POU3F3: variants seen among roughly 807,000 people sequenced by gnomAD.
POU3F3 encodes POU domain, class 3, transcription factor 3.
POU3F3 carries 1 observed loss-of-function variant against 8.6 expected under a neutral mutation model. That is an observed-to-expected ratio of 0.12 (90% CI 0.04 to 0.55). The LOEUF (loss-of-function observed/expected upper bound fraction) is 0.55. POU3F3 is among the 20% of genes least tolerant of loss of function. The pLI is 0.91. For synonymous variants in POU3F3, 418 were observed against 327.4 expected (o/e 1.28, Z -2.99); for missense variants, 577 against 690.7 (o/e 0.84, Z 1.84).
At chr2:104,924,753 T>A in the POU3F3 span, among the ~76,000 whole-genome samples, 4 of 152,212 alleles carry the variant, frequency 2.6e-5, no homozygotes, top group Non-Finnish European at 5.9e-5. Context: ...TCTGAAATCT[T>A]GCATCTCACT....
chr2:104,912,455 G>A, the POU3F3 span, among the ~76,000 whole-genome samples: 3 of 151,902 alleles, frequency 2.0e-5, no homozygotes, highest in Non-Finnish European at 4.4e-5. Flanking sequence ...TGTGGTGTGG[G>A]GGGCCCCCAC....
rs1288425710 is a variant in POU3F3 at position 104,857,026 on chromosome 2, G to A, written c.*13G>A. On this transcript the variant is annotated 3_prime_UTR_variant, in exon 1 of 1. Transcript: ENST00000361360. ...GAGCGTTCAGTGAAGCCAGGGCGCAGAGCGAAGAGGGCCGCCGCCGCCGCC... is the reference window on the plus strand; with the variant it reads ...GAGCGTTCAGTGAAGCCAGGGCGCAAAGCGAAGAGGGCCGCCGCCGCCGCC... 1.9e-6 allele frequency: 3 copies of A among 1,546,560 alleles called. No homozygotes were observed. The highest frequency in any genetic ancestry group is 2.6e-6 in the Non-Finnish European group (3 of 1,146,212).
the POU3F3 span, among the ~76,000 whole-genome samples, chr2:104,884,307 T>A: frequency 6.6e-6 from 1 of 152,096 alleles, no homozygotes; most frequent in Non-Finnish European, 1.5e-5. Context: ...CAGCAGAGGA[T>A]GTCTGGTCAA....
At chr2:104,885,873 C>T in the POU3F3 span, among the ~76,000 whole-genome samples, 1 of 152,102 alleles carries the variant, frequency 6.6e-6, no homozygotes, top group East Asian at 1.9e-4. Context: ...TCTCGGCTCA[C>T]TGAAACCTCT....
At chr2:104,885,756 A>G in the POU3F3 span, among the ~76,000 whole-genome samples, 6 of 152,118 alleles carry the variant, frequency 3.9e-5, no homozygotes. Flanking sequence ...GGCAACCAGC[A>G]GCCCTCAGCT....
chr2:104,860,751 C>A (rs1230986161), downstream of POU3F3, among the ~76,000 whole-genome samples: 1 of 121,052 alleles, frequency 8.3e-6, no homozygotes, highest in Non-Finnish European at 1.6e-5. Flanking sequence ...TGTTGCTCTG[C>A]CTTTTTTTTT....
At chr2:104,897,283 C>T in the POU3F3 span, among the ~76,000 whole-genome samples, 1 of 152,196 alleles carries the variant, frequency 6.6e-6, no homozygotes, top group African/African-American at 2.4e-5. Context: ...CTCAATTATA[C>T]TGAGTCTTTA....
At chr2:104,913,776 C>T in the POU3F3 span, among the ~76,000 whole-genome samples, 1 of 152,182 alleles carries the variant, frequency 6.6e-6, no homozygotes, top group African/African-American at 2.4e-5. Context: ...CCTGATACAT[C>T]TTCACATCGT....
chr2:104,863,318 G>C (rs1055537415), downstream of POU3F3, among the ~76,000 whole-genome samples: 3 of 151,910 alleles, frequency 2.0e-5, no homozygotes, highest in Admixed American at 1.3e-4. Context: ...GAAGGAAAGG[G>C]AAACTTCTGA....
Position 104,856,384 on chromosome 2 carries a change from C to T in POU3F3, c.874C>T (p.Pro292Ser). 1 of 1,559,792 alleles carries T rather than the reference C, an allele frequency of 6.4e-7. No homozygotes were observed. Residue 292 changes from proline to serine, a missense_variant, in exon 1 of 1, where the codon CCG (proline) becomes TCG (serine). Physicochemically the swap from Pro to Ser is moderately conservative, Grantham distance 74. Coordinates refer to ENST00000361360, the MANE Select transcript of POU3F3 (RefSeq NM_006236.3). Reference sequence around the variant, plus strand: ...GCACCCGCACCACGCGCAGGGACCCCCGCACCACGGCGGCGGCGGCGGCGG... The same window carrying T: ...GCACCCGCACCACGCGCAGGGACCCTCGCACCACGGCGGCGGCGGCGGCGG... ...PPHPHHAQGP[P>S]HHGGGGGGAG...
At chr2:104,868,153 AC>A in the POU3F3 span, 1 of 410,114 alleles carries the variant, frequency 2.4e-6, no homozygotes, top group Admixed American at 3.0e-5. Context: ...TCACCCCCAC[AC>A]CCCCATGGGG....
the POU3F3 span, among the ~76,000 whole-genome samples, chr2:104,882,932 A>C: frequency 6.6e-6 from 1 of 152,240 alleles, no homozygotes; most frequent in African/African-American, 2.4e-5. Context: ...ATACCAGAAC[A>C]ACAGGTGAAA....
At chr2:104,905,463 T>C in the POU3F3 span, among the ~76,000 whole-genome samples, 28 of 152,334 alleles carry the variant, frequency 1.8e-4, no homozygotes, top group Middle Eastern at 0.014. Context: ...AAGAAGAGTT[T>C]TGTTTTAACA....
chr2:104,913,534 C>T, the POU3F3 span, among the ~76,000 whole-genome samples: 1 of 152,136 alleles, frequency 6.6e-6, no homozygotes, highest in South Asian at 2.1e-4. Flanking sequence ...TCAGAAGACT[C>T]AGGTGACCAG....
chr2:104,890,077 C>T, the POU3F3 span, among the ~76,000 whole-genome samples: 192 of 152,164 alleles, frequency 1.3e-3, no homozygotes, highest in African/African-American at 4.1e-3. Flanking sequence ...TGTGGTTGAC[C>T]GTCACGGGAC....
the POU3F3 span, among the ~76,000 whole-genome samples, chr2:104,922,455 A>G: frequency 6.6e-6 from 1 of 151,864 alleles, no homozygotes; most frequent in Non-Finnish European, 1.5e-5. Flanking sequence ...ATGTATGAGC[A>G]TGATGAAAAT....
the POU3F3 span, among the ~76,000 whole-genome samples, chr2:104,883,929 G>T: frequency 6.6e-6 from 1 of 152,098 alleles, no homozygotes; most frequent in Non-Finnish European, 1.5e-5. Context: ...GACAGAACTA[G>T]GAAAGGGCAG....
At chr2:104,898,067 G>A in the POU3F3 span, among the ~76,000 whole-genome samples, 13 of 152,198 alleles carry the variant, frequency 8.5e-5, no homozygotes, top group Non-Finnish European at 1.6e-4. Flanking sequence ...TGGGGCATTT[G>A]GGAGGTGATT....
chr2:104,918,772 T>C, the POU3F3 span, among the ~76,000 whole-genome samples: 154 of 152,178 alleles, frequency 1.0e-3, no homozygotes, highest in African/African-American at 3.5e-3. Flanking sequence ...GGCACTTTGT[T>C]AGGGTAGCCC....
Sources: allele counts gnomAD v4.1 joint callset (sites outside exome capture counted in the v4.1 genomes callset), GRCh38; gene constraint gnomAD v4.1.1; transcripts MANE v1.5; gene names NCBI Gene and HGNC (gene_info 2026-07-23, HGNC 2026-07-21).